ARNT2: variants seen among roughly 807,000 people sequenced by gnomAD.
ARNT2 encodes ARNT protein 2.
ARNT2 carries 36 observed loss-of-function variants against 91.7 expected under a neutral mutation model. The ratio of observed to expected loss-of-function variants is 0.39; its 90% confidence interval spans 0.30 to 0.52. The LOEUF is 0.52. Ranked by LOEUF, ARNT2 falls within the 20% of genes least tolerant of loss-of-function variation. The probability of loss-of-function intolerance (pLI) is 0.72; values close to 1 mark genes in which losing one functional copy is unlikely to be tolerated. For synonymous variants in ARNT2, 365 were observed against 347.1 expected (o/e 1.05, Z -0.57); for missense variants, 775 against 939.3 (o/e 0.83, Z 2.29).
At chr15:80,507,787 T>C (rs528663234) in intron 5 of ARNT2, among the ~76,000 whole-genome samples, 1 of 152,300 alleles carries the variant, frequency 6.6e-6, no homozygotes, top group African/African-American at 2.4e-5. Context: ...GCAAAGCAGT[T>C]GGATCAAACA....
At chr15:80,509,235 G>A (rs11858262) in intron 6 of ARNT2, among the ~76,000 whole-genome samples, 77,013 of 151,692 alleles carry the variant, frequency 0.51, 21,015 homozygotes, top group African/African-American at 0.69. Context: ...TGAGGTCAGG[G>A]GTTTGAGACC....
At chr15:80,557,575 C>T (rs1225372049) in intron 11 of ARNT2, among the ~76,000 whole-genome samples, 1 of 152,244 alleles carries the variant, frequency 6.6e-6, no homozygotes, top group East Asian at 1.9e-4. Flanking sequence ...ACCTATGTAA[C>T]AACTGGCTGC....
At chr15:80,565,475 T>A (rs117151225) in intron 12 of ARNT2, among the ~76,000 whole-genome samples, 3,518 of 152,258 alleles carry the variant, frequency 0.023, 62 homozygotes, top group Non-Finnish European at 0.034. Context: ...ATTCCCATCA[T>A]CAGTGTGTGA....
At chr15:80,420,153 T>TA (rs961634113) in intron 1 of ARNT2, among the ~76,000 whole-genome samples, 7 of 151,866 alleles carry the variant, frequency 4.6e-5, no homozygotes, top group East Asian at 3.9e-4. Context: ...CTTTTTAGTT[T>TA]AAAAAAAAGA....
At chr15:80,503,734 G>A (rs955181157) in intron 5 of ARNT2, among the ~76,000 whole-genome samples, 3 of 152,230 alleles carry the variant, frequency 2.0e-5, no homozygotes, top group Admixed American at 6.5e-5. Flanking sequence ...ATCAGCAGAC[G>A]CCCAGGACCT....
At chr15:80,520,601 A>C (rs1002411859) in intron 8 of ARNT2, among the ~76,000 whole-genome samples, 9 of 152,144 alleles carry the variant, frequency 5.9e-5, no homozygotes, top group African/African-American at 2.2e-4. Flanking sequence ...ACCAACAGAC[A>C]TACAAAAGGA....
chr15:80,517,959 T>C (rs74027811), intron 8 of ARNT2, among the ~76,000 whole-genome samples: 2,672 of 152,314 alleles, frequency 0.018, 83 homozygotes, highest in African/African-American at 0.061. Flanking sequence ...TTTTAAATAT[T>C]TTGTGATTTC....
Position 80,525,003 on chromosome 15 carries a change from A to G in ARNT2, c.877+10598A>G, listed in dbSNP as rs181668624. Among the ~76,000 whole-genome samples the G allele has an allele frequency of 3.9e-5, 6 of 152,350 alleles. No homozygotes were observed. The East Asian group carries it at 1.2e-3, about 29-fold the overall frequency. On this transcript the variant is annotated intron_variant, in intron 8 of 18. Transcript: ENST00000303329. ...ATCAAGTGTATCTATGCGTTGAAAA[A>G]TGATACGGAGAATAGTAATCACTGT... is the stretch of plus-strand genomic sequence containing the variant.
At chr15:80,475,809 C>A (rs754226970) in intron 5 of ARNT2, among the ~76,000 whole-genome samples, 55 of 152,140 alleles carry the variant, frequency 3.6e-4, no homozygotes, top group Non-Finnish European at 7.1e-4. Flanking sequence ...GAAGTTTATC[C>A]AATAAGCATG....
intron 2 of ARNT2, among the ~76,000 whole-genome samples, chr15:80,457,558 G>T (rs1210094592): frequency 6.6e-6 from 1 of 152,174 alleles, no homozygotes; most frequent in African/African-American, 2.4e-5. Flanking sequence ...TGATGCAGAG[G>T]GGTGCAGGTA....
chr15:80,470,577 T>C lies in ARNT2; in HGVS notation c.408+146T>C, dbSNP rs912377426. 2.4e-5 allele frequency: 23 copies of C among 951,524 alleles called. No homozygotes were observed. In the Admixed American group the frequency reaches 6.2e-4, roughly 26 times the overall value. 58.9% of individuals were successfully genotyped at this position (951,524 alleles called of 1,614,324 possible). A position where few individuals can be genotyped will look rare whatever the true frequency, so the allele number is the denominator to read the frequency against. The stretch of plus-strand genomic sequence containing the variant: ...GTTTCCATTTTTCTCCAAGAAGCTG[T>C]CTTCAAAAGAGGGTTTGTCTGATCT... On this transcript the variant is annotated intron_variant, in intron 4 of 18. Transcript: ENST00000303329.
chr15:80,553,131 T>C (rs2141457216), intron 10 of ARNT2, among the ~76,000 whole-genome samples: 1 of 152,332 alleles, frequency 6.6e-6, no homozygotes, highest in East Asian at 1.9e-4. Flanking sequence ...CCTACCTAAT[T>C]TTGCCTAACC....
At chr15:80,525,468 G>A (rs571945899) in intron 8 of ARNT2, among the ~76,000 whole-genome samples, 19 of 151,930 alleles carry the variant, frequency 1.3e-4, no homozygotes, top group Non-Finnish European at 2.5e-4. Context: ...ATTCTAGTGC[G>A]TAGCTCAGAC....
intron 2 of ARNT2, among the ~76,000 whole-genome samples, chr15:80,451,661 A>C (rs1055075874): frequency 6.6e-6 from 1 of 152,042 alleles, no homozygotes; most frequent in African/African-American, 2.4e-5. Context: ...CAACCAACCA[A>C]CCAACTACCC....
chr15:80,485,199 T>C (rs1181675675), intron 5 of ARNT2, among the ~76,000 whole-genome samples: 2 of 152,246 alleles, frequency 1.3e-5, no homozygotes, highest in East Asian at 3.8e-4. Context: ...TTTGGTACTG[T>C]TGACAAGGGA....
At chr15:80,493,868 T>G (rs1183372259) in intron 5 of ARNT2, among the ~76,000 whole-genome samples, 2 of 152,180 alleles carry the variant, frequency 1.3e-5, no homozygotes, top group Non-Finnish European at 2.9e-5. Flanking sequence ...GTGCCCTCCC[T>G]GTGGAAATGA....
chr15:80,582,116 G>T (rs187414536), intron 17 of ARNT2, among the ~76,000 whole-genome samples: 2 of 152,180 alleles, frequency 1.3e-5, no homozygotes, highest in Non-Finnish European at 2.9e-5. Context: ...TCAGATGAGC[G>T]TGAATCTGAG....
In ARNT2 at chr15:80,585,216, G is replaced by A. The variant is rs191299947; in HGVS notation, c.1918+3812G>A. ...CATTTTCATTTTGAGTCCAGTCACAGCAAAAACCTAGCCATTTGAAATGTA... is the reference window on the plus strand; with the variant it reads ...CATTTTCATTTTGAGTCCAGTCACAACAAAAACCTAGCCATTTGAAATGTA... On this transcript the variant is annotated intron_variant, in intron 17 of 18. Transcript: ENST00000303329. Among the ~76,000 whole-genome samples, 236 of 152,218 alleles carry A rather than the reference G, an allele frequency of 1.6e-3. 1 individual carries two copies. The highest frequency in any genetic ancestry group is 5.3e-3 in the African/African-American group (222 of 41,526).
rs1898616494 is a variant in ARNT2 at position 80,573,354 on chromosome 15, G to GA, written c.1317-792dup. Among the ~76,000 whole-genome samples, 3 of 152,168 alleles carry GA rather than the reference G, an allele frequency of 2.0e-5. No individual in the cohort carries two copies. In the South Asian group the frequency reaches 6.2e-4, roughly 32 times the overall value. On this transcript the variant is annotated intron_variant, in intron 12 of 18. Coordinates refer to ENST00000303329, the MANE Select transcript of ARNT2 (RefSeq NM_014862.4). ...TTTTATTTATTTATTTATTTTGCTT[G>GA]AATTGTCTGTTCATATGCTTTAAAT...
Sources: gnomAD v4.1 joint callset for allele counts (sites outside exome capture counted in the v4.1 genomes callset) on GRCh38, gnomAD v4.1.1 for gene constraint, MANE v1.5 for transcripts, NCBI Gene and HGNC (gene_info 2026-07-23, HGNC 2026-07-21) for gene names.